The following STX6 variants were observed in gnomAD, a reference collection of about 807,000 sequenced individuals.
STX6 encodes syntaxin 6, also known as syntaxin-6.
In STX6, 23 loss-of-function variants were observed where a neutral mutation model predicts 38.0. That is an observed-to-expected ratio of 0.60 (90% CI 0.43 to 0.86). The LOEUF (loss-of-function observed/expected upper bound fraction) is 0.86, where lower values mean the gene tolerates loss of function less well. Among genes scored for constraint, STX6 ranks in the 40% least tolerant of loss-of-function variants. The probability of loss-of-function intolerance (pLI) is 0.00; values close to 1 mark genes in which losing one functional copy is unlikely to be tolerated. For synonymous variants in STX6, 123 were observed against 107.5 expected (o/e 1.14, Z -0.89); for missense variants, 274 against 312.9 (o/e 0.88, Z 0.94).
In STX6 at chr1:181,002,831, A is replaced by G. The variant is rs763075755; in HGVS notation, c.206-131T>C. 41 of 618,432 alleles carry G rather than the reference A, an allele frequency of 6.6e-5. 2 individuals carry two copies. In the South Asian group the frequency reaches 6.8e-4, roughly 10 times the overall value. The allele number at this position is 618,432 out of a possible 1,614,324, so 38.3% of individuals were successfully genotyped here. ...TTTCTGAAAACACAGTCAGCTGGAC[A>G]CCAATCATTCTCAGACTTCCTCTGC... is the stretch of plus-strand genomic sequence containing the variant. On this transcript the variant is annotated intron_variant, in intron 2 of 7. Coordinates refer to ENST00000258301, the MANE Select transcript of STX6 (RefSeq NM_005819.6).
chr1:180,993,769 G>A (rs1240370087), intron 3 of STX6, among the ~76,000 whole-genome samples: 1 of 152,144 alleles, frequency 6.6e-6, no homozygotes, highest in African/African-American at 2.4e-5. Flanking sequence ...TCCATTTTAA[G>A]GTTGAGGAGA....
At chr1:180,991,554 G>T (rs764332758) in intron 4 of STX6, among the ~76,000 whole-genome samples, 4 of 152,160 alleles carry the variant, frequency 2.6e-5, no homozygotes, top group Admixed American at 6.5e-5. Context: ...CGTTTTCCAT[G>T]GTGTACACTT....
chr1:181,001,609 A>G (rs896344026), intron 3 of STX6, among the ~76,000 whole-genome samples: 1 of 152,218 alleles, frequency 6.6e-6, no homozygotes, highest in Non-Finnish European at 1.5e-5. Flanking sequence ...TCCAGAAGCA[A>G]TTCAGATGGC....
intron 4 of STX6, 47 bp from the exon 5 acceptor site, chr1:180,990,156 C>T (rs1571333334): frequency 1.9e-6 from 3 of 1,610,690 alleles, no homozygotes; most frequent in Non-Finnish European, 2.5e-6. Context: ...CAAACAATTA[C>T]TATCTCTGAA....
At chr1:181,006,443 T>C (rs1656226362) in intron 1 of STX6, among the ~76,000 whole-genome samples, 1 of 150,348 alleles carries the variant, frequency 6.7e-6, no homozygotes, top group African/African-American at 2.5e-5. Context: ...TTAGATATAG[T>C]CACAAGATTT....
rs146812192 is a variant in STX6, at chr1:180,988,616, G to A, written c.490-271C>T. 42 of 337,774 alleles carry A rather than the reference G, an allele frequency of 1.2e-4. 1 individual carries two copies. The East Asian group carries it at 2.9e-3, about 23-fold the overall frequency. 20.9% of individuals were successfully genotyped at this position (337,774 alleles called of 1,614,324 possible). On this transcript the variant is annotated intron_variant, in intron 5 of 7. Coordinates refer to ENST00000258301, the MANE Select transcript of STX6 (RefSeq NM_005819.6). Reference sequence around the variant, plus strand: ...GAGAGATTTACTCTGGTTGGCTGACGTCCAATAATGGAGCAGACAATGGTT... The same window carrying A: ...GAGAGATTTACTCTGGTTGGCTGACATCCAATAATGGAGCAGACAATGGTT...
intron 1 of STX6, among the ~76,000 whole-genome samples, chr1:181,011,086 C>T (rs1026879477): frequency 2.0e-5 from 3 of 152,172 alleles, no homozygotes; most frequent in African/African-American, 7.2e-5. Flanking sequence ...AAGCTCAGCA[C>T]CCTACAGGCC....
At chr1:180,979,637 G>A (rs1655345881) in intron 7 of STX6, among the ~76,000 whole-genome samples, 1 of 152,182 alleles carries the variant, frequency 6.6e-6, no homozygotes, top group East Asian at 1.9e-4. Context: ...GTATGGCAAT[G>A]ACTTTTTAGA....
chr1:180,997,992 T>C lies in STX6; in HGVS notation c.301-4567A>G, dbSNP rs866148735. ...ATAAATACCAAGTACAGATTATTTT[T>C]AACCTAAGAAAATAAAATGCTATGA... On this transcript the variant is annotated intron_variant, in intron 3 of 7. Coordinates refer to ENST00000258301, the MANE Select transcript of STX6 (RefSeq NM_005819.6). Among the ~76,000 whole-genome samples the C allele has an allele frequency of 2.0e-5, 3 of 152,352 alleles. No homozygotes were observed. The South Asian group carries it at 6.2e-4, about 32-fold the overall frequency.
At chr1:181,009,321 T>G (rs1349780640) in intron 1 of STX6, among the ~76,000 whole-genome samples, 1 of 151,794 alleles carries the variant, frequency 6.6e-6, no homozygotes, top group Non-Finnish European at 1.5e-5. Flanking sequence ...ACAAAAAAAT[T>G]AGCCGGGCAT....
rs1294039144 is a variant in STX6, at chr1:181,009,736, T to C, written c.36-4273A>G. On this transcript the variant is annotated intron_variant, in intron 1 of 7. Transcript: ENST00000258301. ...AGCCATTTGGAAGAGAGTTTGGTTG[T>C]TTCTTGAACATATATTTACCATACC... Among the ~76,000 whole-genome samples, 10 of 151,618 alleles carry C rather than the reference T, an allele frequency of 6.6e-5. No individual in the cohort carries two copies. In the East Asian group the frequency reaches 1.7e-3, roughly 26 times the overall value.
intron 6 of STX6, 23 bp downstream of exon 6, chr1:180,988,216 G>T: frequency 6.4e-7 from 1 of 1,572,096 alleles, no homozygotes; most frequent in South Asian, 1.1e-5. Flanking sequence ...TCACTGAAGC[G>T]AGAGGGGTGT....
At chr1:180,992,567 G>A (rs1655783929) in intron 4 of STX6, among the ~76,000 whole-genome samples, 1 of 152,046 alleles carries the variant, frequency 6.6e-6, no homozygotes, top group Admixed American at 6.5e-5. Flanking sequence ...TAAGGAAAAT[G>A]GATATCCACA....
intron 2 of STX6, among the ~76,000 whole-genome samples, chr1:181,002,928 C>T (rs2102320131): frequency 6.6e-6 from 1 of 152,352 alleles, no homozygotes; most frequent in South Asian, 2.1e-4. Context: ...AGCATAGCCC[C>T]TGCTGATGAG....
chr1:181,003,650 T>C (rs1480536147), intron 2 of STX6, among the ~76,000 whole-genome samples: 1 of 152,224 alleles, frequency 6.6e-6, no homozygotes, highest in Admixed American at 6.5e-5. Context: ...CTGTGCTAAC[T>C]ATAAGGTGAT....
chr1:180,993,342 T>C (rs1184798849), intron 4 of STX6, 21 bp downstream of exon 4: 1 of 1,373,998 alleles, frequency 7.3e-7, no homozygotes, highest in African/African-American at 1.4e-5. Context: ...CATTGATAAT[T>C]ATATTCTGAT....
chr1:180,981,693 T>C (rs1558086686), intron 7 of STX6, among the ~76,000 whole-genome samples: 2 of 152,302 alleles, frequency 1.3e-5, no homozygotes, highest in East Asian at 3.9e-4. Context: ...AGGATGTTCT[T>C]TTAAAGCCGT....
chr1:180,999,148 G>A (rs1286142733), intron 3 of STX6, among the ~76,000 whole-genome samples: 1 of 152,154 alleles, frequency 6.6e-6, no homozygotes, highest in Admixed American at 6.6e-5. Context: ...GTTTTTTCAT[G>A]GAGAGGGTAA....
intron 7 of STX6, among the ~76,000 whole-genome samples, chr1:180,983,880 C>T (rs112249055): frequency 4.6e-5 from 7 of 151,464 alleles, no homozygotes; most frequent in South Asian, 4.2e-4. Flanking sequence ...CTGGCTAACA[C>T]GGTGAAACTC....
Sources: gnomAD v4.1 joint callset for allele counts (sites outside exome capture counted in the v4.1 genomes callset) on GRCh38, gnomAD v4.1.1 for gene constraint, MANE v1.5 for transcripts, NCBI Gene and HGNC (gene_info 2026-07-23, HGNC 2026-07-21) for gene names.